CDH4: variants seen among roughly 807,000 people sequenced by gnomAD.
CDH4 encodes cadherin-4.
A neutral mutation model predicts 86.0 loss-of-function variants in CDH4; 33 were observed. The observed-to-expected ratio is 0.38, with a 90% CI of 0.29 to 0.51. The LOEUF is 0.51. Among genes scored for constraint, CDH4 ranks in the 20% least tolerant of loss-of-function variants. The pLI is 0.86. For missense variants in CDH4, 1,114 were observed against 1,307.4 expected (o/e 0.85, Z 2.28); for synonymous variants, 555 against 549.4 (o/e 1.01, Z -0.14).
intron 2 of CDH4, among the ~76,000 whole-genome samples, chr20:61,654,041 G>A (rs1330196431): frequency 3.3e-5 from 5 of 151,600 alleles, no homozygotes; most frequent in Admixed American, 6.6e-5. Context: ...GGCAGAGGCT[G>A]CAATCTTGGC....
chr20:61,374,418 G>A (rs1463749792), intron 2 of CDH4, among the ~76,000 whole-genome samples: 1 of 152,154 alleles, frequency 6.6e-6, no homozygotes, highest in African/African-American at 2.4e-5. Flanking sequence ...AGTCCTGAGA[G>A]GGTCTGGGAG....
chr20:61,913,579 C>T (rs1251329842), intron 9 of CDH4, among the ~76,000 whole-genome samples: 1 of 152,234 alleles, frequency 6.6e-6, no homozygotes, highest in Non-Finnish European at 1.5e-5. Flanking sequence ...ACAGACTAGA[C>T]TGTGGGGCAT....
At chr20:61,403,287 T>A (rs1251080822) in intron 2 of CDH4, among the ~76,000 whole-genome samples, 1 of 152,232 alleles carries the variant, frequency 6.6e-6, no homozygotes. Flanking sequence ...GGGCTTCACT[T>A]ACAGGAGCAA....
At chr20:61,914,406 C>T (rs2054883623) in intron 9 of CDH4, among the ~76,000 whole-genome samples, 1 of 152,224 alleles carries the variant, frequency 6.6e-6, no homozygotes, top group African/African-American at 2.4e-5. Context: ...GCTCTTTCCT[C>T]TTTAAATATT....
intron 2 of CDH4, among the ~76,000 whole-genome samples, chr20:61,714,743 T>G (rs1051839564): frequency 6.6e-6 from 1 of 152,200 alleles, no homozygotes; most frequent in African/African-American, 2.4e-5. Context: ...ATTGTTTCAT[T>G]CTTTTTATGG....
At chr20:61,921,198 C>CACG (rs1555859308) in intron 9 of CDH4, among the ~76,000 whole-genome samples, 1 of 143,160 alleles carries the variant, frequency 7.0e-6, no homozygotes, top group Non-Finnish European at 1.5e-5. Context: ...AGCGTGGTGT[C>CACG]GTGATTGCAT....
chr20:61,384,007 G>A (rs533660165), intron 2 of CDH4, among the ~76,000 whole-genome samples: 1 of 151,984 alleles, frequency 6.6e-6, no homozygotes, highest in African/African-American at 2.4e-5. Context: ...GGAGTCTGAT[G>A]TTTGAGAGCA....
chr20:61,533,703 G>A (rs1376975562), intron 2 of CDH4, among the ~76,000 whole-genome samples: 1 of 152,256 alleles, frequency 6.6e-6, no homozygotes, highest in African/African-American at 2.4e-5. Flanking sequence ...CATGAGACTA[G>A]ATGGGCCCCC....
intron 4 of CDH4, among the ~76,000 whole-genome samples, chr20:61,794,051 G>A (rs1291345283): frequency 1.4e-5 from 2 of 147,712 alleles, no homozygotes; most frequent in Non-Finnish European, 1.5e-5. Flanking sequence ...GCTGAGGCAG[G>A]AGAATGGCGT....
intron 2 of CDH4, among the ~76,000 whole-genome samples, chr20:61,609,006 A>G (rs1315442455): frequency 6.6e-6 from 1 of 152,218 alleles, no homozygotes; most frequent in Non-Finnish European, 1.5e-5. Flanking sequence ...GGGAAGCACA[A>G]GACCCTGAGC....
chr20:61,487,487 G>A (rs571992020), intron 2 of CDH4, among the ~76,000 whole-genome samples: 1 of 152,302 alleles, frequency 6.6e-6, no homozygotes, highest in African/African-American at 2.4e-5. Context: ...ATGAGCTTCA[G>A]CCTCTGAATA....
Position 61,517,241 on chromosome 20 carries a change from G to A in CDH4, c.170-226322G>A, listed in dbSNP as rs1207154573. ...GAGATCTCACTCTGTTGCCCAGGCT[G>A]GAAGGCAGTGGCGCAGTCACAACCC... On this transcript the variant is annotated intron_variant, in intron 2 of 15. Transcript: ENST00000614565. This position sits in a 1 kb window ranked among gnomAD's most constrained non-coding sequence, Gnocchi z 6.6. Among the ~76,000 whole-genome samples the A allele has an allele frequency of 1.3e-5, 2 of 152,226 alleles. No individual in the cohort carries two copies. Among genetic ancestry groups the A allele is most frequent in the African/African-American group, 4.8e-5 (2 of 41,462 alleles).
chr20:61,452,814 A>T (rs554936091), intron 2 of CDH4, among the ~76,000 whole-genome samples: 4 of 152,324 alleles, frequency 2.6e-5, no homozygotes, highest in Admixed American at 2.0e-4. Context: ...GGTGGAGAAG[A>T]TATGAAATAG....
At chr20:61,337,256 G>A (rs57310227) in intron 2 of CDH4, among the ~76,000 whole-genome samples, 2 of 990 alleles carry the variant, frequency 2.0e-3, no homozygotes, top group East Asian at 0.036. Context: ...TGAAGATGAT[G>A]GTGATGGTGA....
In CDH4 at chr20:61,510,497, G is replaced by A. The variant is rs998669492; in HGVS notation, c.170-233066G>A. On this transcript the variant is annotated intron_variant, in intron 2 of 15. Transcript: ENST00000614565. This position sits in a 1 kb window ranked among gnomAD's most constrained non-coding sequence, Gnocchi z 4.2. ...TGCTGGGCTGATGGCATCCCATAAA[G>A]AAGAGAGATTCGTTCCACATAAAAT... is the stretch of plus-strand genomic sequence containing the variant. Among the ~76,000 whole-genome samples, 4 of 152,212 alleles carry A rather than the reference G, an allele frequency of 2.6e-5. No individual in the cohort carries two copies. The highest frequency in any genetic ancestry group is 2.0e-4 in the Admixed American group (3 of 15,284).
chr20:61,631,559 C>T (rs1349110363), intron 2 of CDH4, among the ~76,000 whole-genome samples: 1 of 152,150 alleles, frequency 6.6e-6, no homozygotes, highest in Non-Finnish European at 1.5e-5. Flanking sequence ...GCAGGAGAAT[C>T]GCTTAACCTC....
rs551934560 is a variant in CDH4, at chr20:61,856,564, C to T, written c.877+3666C>T. Among the ~76,000 whole-genome samples, 41 of 149,218 alleles carry T rather than the reference C, an allele frequency of 2.7e-4. No homozygotes were observed. The South Asian group carries it at 4.4e-3, about 16-fold the overall frequency. On this transcript the variant is annotated intron_variant, in intron 6 of 15. Transcript: ENST00000614565. ...CCCGCCGGGATCCACAAGGGTTCTG[C>T]GTGCACCCCACATTCTTCCCCAGCC...
At chr20:61,726,130 G>T (rs903637975) in intron 2 of CDH4, among the ~76,000 whole-genome samples, 1 of 150,664 alleles carries the variant, frequency 6.6e-6, no homozygotes, top group African/African-American at 2.5e-5. Context: ...GATAGTCTCG[G>T]GGGGGACTGT....
Position 61,652,882 on chromosome 20 carries a change from C to G in CDH4, c.170-90681C>G, listed in dbSNP as rs991693642. ...TTGGGGGGGGGATAAAAAATGATCT[C>G]CCTTTATTACTCTCCCAAAGGTTAC... is the stretch of plus-strand genomic sequence containing the variant. On this transcript the variant is annotated intron_variant, in intron 2 of 15. Coordinates refer to ENST00000614565, the MANE Select transcript of CDH4 (RefSeq NM_001794.5). 6.3e-5 allele frequency among the ~76,000 whole-genome samples: 9 copies of G among 143,930 alleles called. No individual in the cohort carries two copies. The Middle Eastern group carries it at 0.011, about 174-fold the overall frequency. 94.4% of individuals were successfully genotyped at this position (143,930 alleles called of 152,430 possible).
Sources: gnomAD v4.1 joint callset for allele counts (sites outside exome capture counted in the v4.1 genomes callset) on GRCh38, gnomAD v4.1.1 for gene constraint, Gnocchi (gnomAD v3.1) non-coding constraint, MANE v1.5 for transcripts, NCBI Gene and HGNC (gene_info 2026-07-23, HGNC 2026-07-21) for gene names.